The following PDIA3 variants were observed in gnomAD, a reference collection of about 807,000 sequenced individuals.
PDIA3 encodes the protein protein disulfide isomerase family A member 3.
In PDIA3, 16 loss-of-function variants were observed where a neutral mutation model predicts 56.9. That is an observed-to-expected ratio of 0.28 (90% CI 0.19 to 0.43). The LOEUF (loss-of-function observed/expected upper bound fraction) is 0.43, where lower values mean the gene tolerates loss of function less well. PDIA3 is among the 20% of genes least tolerant of loss of function. The pLI is 1.00. For missense variants in PDIA3, 485 were observed against 621.3 expected, an observed-to-expected ratio of 0.78 and a Z score of 2.33; for synonymous variants, 192 against 216.5, an observed-to-expected ratio of 0.89 and a Z score of 0.99.
rs139020646 is a variant in PDIA3 at position 43,750,347 on chromosome 15, A to G, written c.168-3477A>G. Among the ~76,000 whole-genome samples, 613 of 151,596 alleles carry G rather than the reference A, an allele frequency of 4.0e-3. 4 individuals are homozygous for G. The highest frequency in any genetic ancestry group is 0.014 in the African/African-American group (581 of 41,432). On this transcript the variant is annotated intron_variant, in intron 1 of 12. Coordinates refer to ENST00000300289, the MANE Select transcript of PDIA3 (RefSeq NM_005313.5). ...AAGCTTTCTTTGCAGTTGATTTTGT[A>G]GACTAATATTTCCATTATGGAGTTA...
At chr15:43,754,954 CAA>C (rs770741535) in intron 2 of PDIA3, among the ~76,000 whole-genome samples, 12 of 128,634 alleles carry the variant, frequency 9.3e-5, no homozygotes, top group Non-Finnish European at 1.0e-4. Flanking sequence ...AACCCTGTCT[CAA>C]AAAAAAAAAA....
At chr15:43,763,583 C>G (rs553050859) in intron 5 of PDIA3, among the ~76,000 whole-genome samples, 4 of 152,156 alleles carry the variant, frequency 2.6e-5, no homozygotes, top group African/African-American at 9.6e-5. Context: ...TAATTTTTCC[C>G]AAGGGTTTAT....
Position 43,756,535 on chromosome 15 carries a change from C to T in PDIA3, c.247-114C>T, listed in dbSNP as rs572842440. 1.3e-4 allele frequency: 90 copies of T among 695,732 alleles called. No individual in the cohort carries two copies. In the African/African-American group the frequency reaches 1.3e-3, roughly 10 times the overall value. The allele number at this position is 695,732 out of a possible 1,614,324, so 43.1% of individuals were successfully genotyped here. ...AATCTAATGTTCTGTGGCATATATG[C>T]CAAGAATTCCTTGATCCCCTTAGGA... On this transcript the variant is annotated intron_variant, in intron 2 of 12. Coordinates refer to ENST00000300289, the MANE Select transcript of PDIA3 (RefSeq NM_005313.5).
At position 43,772,282 on chromosome 15, in the gene PDIA3, G is replaced by C. The variant is rs1035142072; in HGVS notation, c.*1064G>C. The C allele has an allele frequency of 2.6e-5, 4 of 152,178 alleles. No individual in the cohort carries two copies. Among genetic ancestry groups the C allele is most frequent in the African/African-American group, 9.7e-5 (4 of 41,444 alleles). The allele number at this position is 152,178 out of a possible 1,614,324, so 9.4% of individuals were successfully genotyped here. ...AGTTTTCAGTCACTGGAGAATTCCA[G>C]GTAGGAGCCCTACTTTAGGTGATCC... On this transcript the variant is annotated 3_prime_UTR_variant, in exon 13 of 13. Transcript: ENST00000300289.
intron 1 of PDIA3, chr15:43,751,810 A>G (rs2086746208): frequency 2.4e-6 from 3 of 1,243,864 alleles, no homozygotes; most frequent in Admixed American, 2.3e-5. Context: ...ATTTTTGATA[A>G]GCATCTAGAG....
chr15:43,770,270 C>A lies in PDIA3; in HGVS notation c.1287C>A (p.Ile429=), dbSNP rs371186647. 6.2e-7 allele frequency: 1 copy of A among 1,613,928 alleles called. No homozygotes were observed. Among genetic ancestry groups the A allele is most frequent in the Non-Finnish European group, 8.5e-7 (1 of 1,179,842 alleles). The change falls in exon 11 of 13, where the codon ATC becomes ATA. Residue 429 remains isoleucine, a synonymous_variant. Transcript: ENST00000300289. ...AACAGCTCAGCAAAGACCCAAATAT[C>A]GTCATAGCCAAGATGGATGCCACAG... The part of the protein sequence containing the change: ...LGEKLSKDPN[I]VIAKMDATAN...
intron 2 of PDIA3, among the ~76,000 whole-genome samples, chr15:43,756,076 G>A (rs1176579658): frequency 2.6e-5 from 4 of 152,102 alleles, no homozygotes; most frequent in African/African-American, 9.7e-5. Flanking sequence ...CTTGTGCCTG[G>A]GTTGGAGTAA....
intron 3 of PDIA3, 26 bp downstream of exon 3, chr15:43,756,792 A>G: frequency 1.7e-6 from 2 of 1,210,844 alleles, no homozygotes; most frequent in Non-Finnish European, 2.4e-6. Context: ...TACATTCTGG[A>G]AACTGATGTT....
At chr15:43,770,458 G>A in intron 11 of PDIA3, 65 bp from the exon 12 acceptor site, 2 of 1,388,412 alleles carry the variant, frequency 1.4e-6, no homozygotes, top group Non-Finnish European at 2.1e-6. Context: ...TTCCTTCTTG[G>A]CTTAAGAGTT....
At chr15:43,765,590 C>T in intron 6 of PDIA3, 24 bp downstream of exon 6, 1 of 1,345,824 alleles carries the variant, frequency 7.4e-7, no homozygotes, top group Non-Finnish European at 1.1e-6. Flanking sequence ...TGTATCTTGT[C>T]TGGGATTTAT....
chr15:43,756,643 C>T lies in PDIA3; in HGVS notation c.247-6C>T. On this transcript the variant is annotated splice_region_variant and splice_polypyrimidine_tract_variant and intron_variant, in intron 2 of 12. Transcript: ENST00000300289. ...AAGAAAATAGTTTGTGTATTTTGATCTTTAGGTTGATTGCACTGCCAACAC... is the reference window on the plus strand; with the variant it reads ...AAGAAAATAGTTTGTGTATTTTGATTTTTAGGTTGATTGCACTGCCAACAC... 6.7e-7 allele frequency: 1 copy of T among 1,495,616 alleles called. No homozygotes were observed. Among genetic ancestry groups the T allele is most frequent in the Non-Finnish European group, 9.3e-7 (1 of 1,074,034 alleles). The allele number at this position is 1,495,616 out of a possible 1,614,324, so 92.6% of individuals were successfully genotyped here. A position where few individuals can be genotyped will look rare whatever the true frequency, so the allele number is the denominator to read the frequency against.
intron 5 of PDIA3, among the ~76,000 whole-genome samples, chr15:43,765,157 C>T (rs1335865855): frequency 1.3e-5 from 2 of 152,148 alleles, no homozygotes; most frequent in East Asian, 3.9e-4. Context: ...GGGAGGATCG[C>T]TTGAGCCTGG....
Position 43,772,720 on chromosome 15 carries a change from C to T in PDIA3, c.*1502C>T, listed in dbSNP as rs1040912081. ...CCAGGTATGCTACAAGTTCTTTTAA[C>T]TCTTATCAGAAGTTATTATTACTGT... is the stretch of plus-strand genomic sequence containing the variant. On this transcript the variant is annotated 3_prime_UTR_variant, in exon 13 of 13. Coordinates refer to ENST00000300289, the MANE Select transcript of PDIA3 (RefSeq NM_005313.5). 9 of 157,866 alleles carry T rather than the reference C, an allele frequency of 5.7e-5. No individual in the cohort carries two copies. Among genetic ancestry groups the T allele is most frequent in the African/African-American group, 1.4e-4 (6 of 41,794 alleles). 9.8% of individuals were successfully genotyped at this position (157,866 alleles called of 1,614,324 possible).
chr15:43,755,471 A>G (rs935645153), intron 2 of PDIA3, among the ~76,000 whole-genome samples: 1 of 152,234 alleles, frequency 6.6e-6, no homozygotes, highest in African/African-American at 2.4e-5. Flanking sequence ...TGTTTTTACA[A>G]TTAAAGTAAT....
chr15:43,746,652 G>T lies in PDIA3; in HGVS notation c.113G>T (p.Arg38Leu), dbSNP rs61734331. Reference sequence around the variant, plus strand: ...CTCACGGACGACAACTTCGAGAGTCGCATCTCCGACACGGGCTCTGCGGGC... The same window carrying T: ...CTCACGGACGACAACTTCGAGAGTCTCATCTCCGACACGGGCTCTGCGGGC... ...LELTDDNFES[R>L]ISDTGSAGLM... is the part of the protein sequence containing the mutation. Residue 38 changes from arginine (R) to leucine (L), a missense_variant, in exon 1 of 13, where the codon CGC (arginine) becomes CTC (leucine). Physicochemically the swap from Arg to Leu is moderately radical, Grantham distance 102. Coordinates refer to ENST00000300289, the MANE Select transcript of PDIA3 (RefSeq NM_005313.5). 8.6e-4 allele frequency: 1,389 copies of T among 1,612,954 alleles called. 15 individuals carry two copies. The Middle Eastern group carries it at 0.012, about 13-fold the overall frequency.
chr15:43,751,333 A>G (rs1332042958), intron 1 of PDIA3, among the ~76,000 whole-genome samples: 1 of 152,042 alleles, frequency 6.6e-6, no homozygotes, highest in African/African-American at 2.4e-5. Flanking sequence ...GGAAAGGACT[A>G]TACCAATTTT....
At chr15:43,760,810 C>T (rs1043072561) in intron 3 of PDIA3, among the ~76,000 whole-genome samples, 1 of 151,130 alleles carries the variant, frequency 6.6e-6, no homozygotes, top group African/African-American at 2.4e-5. Flanking sequence ...TGATTACAGG[C>T]GTGAGCCACA....
At position 43,761,540 on chromosome 15, in the gene PDIA3, CA is replaced by C. The variant is rs956488291; in HGVS notation, c.472+12del. On this transcript the variant is annotated intron_variant, in intron 4 of 12. Coordinates refer to ENST00000300289, the MANE Select transcript of PDIA3 (RefSeq NM_005313.5). ...AGATGCCTCTATAGTAGGTAAGTAGCAAATATTAAACCGTGCCACAGAATTG... is the reference window on the plus strand; with the variant it reads ...AGATGCCTCTATAGTAGGTAAGTAGCAATATTAAACCGTGCCACAGAATTG... 7.8e-7 allele frequency: 1 copy of C among 1,288,818 alleles called. No individual in the cohort carries two copies. The highest frequency in any genetic ancestry group is 1.1e-6 in the Non-Finnish European group (1 of 893,908). The allele number at this position is 1,288,818 out of a possible 1,614,324, so 79.8% of individuals were successfully genotyped here.
chr15:43,746,928 G>C (rs528565179), intron 1 of PDIA3: 5 of 581,112 alleles, frequency 8.6e-6, no homozygotes, highest in Non-Finnish European at 1.5e-5. Flanking sequence ...GCTCACGCAG[G>C]GCCTCATCCT....
Sources: gnomAD v4.1 joint callset for allele counts (sites outside exome capture counted in the v4.1 genomes callset) on GRCh38, gnomAD v4.1.1 for gene constraint, MANE v1.5 for transcripts, NCBI Gene and HGNC (gene_info 2026-07-23, HGNC 2026-07-21) for gene names.